The following CSMD1 variants were observed in gnomAD, a reference collection of about 807,000 sequenced individuals.
CSMD1 encodes the protein CUB and sushi domain-containing protein 1.
Under a neutral mutation model 417.5 loss-of-function variants are expected in CSMD1, and 213 were observed. The ratio of observed to expected loss-of-function variants is 0.51; its 90% CI spans 0.46 to 0.57. The LOEUF (loss-of-function observed/expected upper bound fraction) is 0.57. Ranked by LOEUF, CSMD1 falls within the 20% of genes least tolerant of loss-of-function variation. The pLI is 0.00. For missense variants in CSMD1, 6,923 were observed against 4,529.7 expected (o/e 1.53, Z -15.17); for synonymous variants, 2,862 against 1,736.8 (o/e 1.65, Z -16.11).
chr8:3,120,708 G>GGA (rs1554431383), intron 41 of CSMD1, among the ~76,000 whole-genome samples: 5 of 151,540 alleles, frequency 3.3e-5, no homozygotes, highest in African/African-American at 9.7e-5. Context: ...TTAGCCAGGG[G>GGA]GGGTGACCGG....
chr8:3,329,785 G>A (rs1021614428), intron 23 of CSMD1, among the ~76,000 whole-genome samples: 1 of 152,148 alleles, frequency 6.6e-6, no homozygotes, highest in Non-Finnish European at 1.5e-5. Context: ...CATTGTGAGT[G>A]AGCCTTTTCT....
intron 2 of CSMD1, among the ~76,000 whole-genome samples, chr8:4,592,431 G>A (rs776608282): frequency 2.0e-5 from 3 of 151,826 alleles, no homozygotes; most frequent in Non-Finnish European, 2.9e-5. Flanking sequence ...CCATCTCCCA[G>A]GCTGGAGTGC....
chr8:4,110,498 T>G (rs1382587555), intron 3 of CSMD1, among the ~76,000 whole-genome samples: 2 of 152,198 alleles, frequency 1.3e-5, no homozygotes, highest in Non-Finnish European at 2.9e-5. Context: ...TTTTCATATA[T>G]TATTTTCCCC....
chr8:3,461,950 G>T (rs1359645268), intron 12 of CSMD1, among the ~76,000 whole-genome samples: 1 of 152,184 alleles, frequency 6.6e-6, no homozygotes, highest in South Asian at 2.1e-4. Flanking sequence ...TCCTCACATG[G>T]GCCGGACAGG....
intron 25 of CSMD1, among the ~76,000 whole-genome samples, chr8:3,291,674 TA>T (rs1803578963): frequency 1.3e-5 from 2 of 152,038 alleles, no homozygotes; most frequent in South Asian, 4.1e-4. Flanking sequence ...GTGGTGATAT[TA>T]CCTTTATCAT....
At chr8:3,532,633 A>T (rs554328916) in intron 10 of CSMD1, among the ~76,000 whole-genome samples, 2 of 152,308 alleles carry the variant, frequency 1.3e-5, no homozygotes, top group East Asian at 3.9e-4. Flanking sequence ...CCAAAATTTT[A>T]CATTCTATTA....
At chr8:3,743,727 T>G (rs1796929523) in intron 6 of CSMD1, among the ~76,000 whole-genome samples, 1 of 152,174 alleles carries the variant, frequency 6.6e-6, no homozygotes, top group Middle Eastern at 3.2e-3. Flanking sequence ...TGCAAGATCG[T>G]TACTCCCAGG....
At chr8:4,235,159 G>C (rs909125907) in intron 3 of CSMD1, among the ~76,000 whole-genome samples, 1 of 152,166 alleles carries the variant, frequency 6.6e-6, no homozygotes, top group African/African-American at 2.4e-5. Flanking sequence ...CCCACAGTGT[G>C]TGTGATTCAT....
intron 5 of CSMD1, among the ~76,000 whole-genome samples, chr8:3,925,240 T>C (rs537718000): frequency 6.6e-6 from 1 of 152,356 alleles, no homozygotes; most frequent in African/African-American, 2.4e-5. Context: ...TACAGCGACC[T>C]ATAAGTAATG....
At chr8:4,813,661 G>A (rs1415873620) in intron 1 of CSMD1, among the ~76,000 whole-genome samples, 1 of 152,168 alleles carries the variant, frequency 6.6e-6, no homozygotes, top group Non-Finnish European at 1.5e-5. Context: ...TTTACACGTT[G>A]CAAGAGAGAA....
At chr8:4,297,409 A>G (rs1797746613) in intron 3 of CSMD1, among the ~76,000 whole-genome samples, 1 of 152,140 alleles carries the variant, frequency 6.6e-6, no homozygotes, top group East Asian at 1.9e-4. Flanking sequence ...ATTGACTAAG[A>G]AGTGAATGTT....
chr8:4,587,140 T>A (rs753487587), intron 2 of CSMD1, among the ~76,000 whole-genome samples: 2 of 152,206 alleles, frequency 1.3e-5, no homozygotes, highest in African/African-American at 2.4e-5. Flanking sequence ...TTCTTCCACA[T>A]TGATTTTTCT....
At chr8:4,791,305 A>G (rs1172271122) in intron 1 of CSMD1, among the ~76,000 whole-genome samples, 1 of 152,118 alleles carries the variant, frequency 6.6e-6, no homozygotes, top group Non-Finnish European at 1.5e-5. Flanking sequence ...TTTCCATACC[A>G]GGCTTTCTTA....
intron 5 of CSMD1, among the ~76,000 whole-genome samples, chr8:3,797,856 C>G (rs967387386): frequency 6.6e-6 from 1 of 151,944 alleles, no homozygotes; most frequent in African/African-American, 2.4e-5. Flanking sequence ...GGTGATTGTA[C>G]CATTTTATAT....
intron 6 of CSMD1, among the ~76,000 whole-genome samples, chr8:3,730,354 A>G (rs1802771839): frequency 6.8e-6 from 1 of 146,348 alleles, no homozygotes. Context: ...ATGCTCCCAA[A>G]AAAATTTAAG....
At chr8:3,703,162 TC>T (rs1348481566) in intron 7 of CSMD1, among the ~76,000 whole-genome samples, 2 of 152,198 alleles carry the variant, frequency 1.3e-5, no homozygotes, top group Non-Finnish European at 2.9e-5. Context: ...AAATTCTAAA[TC>T]TTCTCATTCT....
At chr8:3,996,672 T>C (rs1469873193) in intron 5 of CSMD1, among the ~76,000 whole-genome samples, 2 of 152,176 alleles carry the variant, frequency 1.3e-5, no homozygotes. Context: ...TGGTCCTGGC[T>C]AATCTAAAAG....
intron 7 of CSMD1, among the ~76,000 whole-genome samples, chr8:3,690,776 T>C (rs1800194140): frequency 6.6e-6 from 1 of 152,188 alleles, no homozygotes; most frequent in Non-Finnish European, 1.5e-5. Context: ...TAAGATAAAG[T>C]TTAATTTATA....
At chr8:3,930,130 G>A (rs1351692084) in intron 5 of CSMD1, among the ~76,000 whole-genome samples, 1 of 150,190 alleles carries the variant, frequency 6.7e-6, no homozygotes, top group African/African-American at 2.5e-5. Context: ...TACAAAAGCA[G>A]TACCCTACCA....
Sources: allele counts gnomAD v4.1 joint callset (sites outside exome capture counted in the v4.1 genomes callset), GRCh38; gene constraint gnomAD v4.1.1; transcripts MANE v1.5; gene names NCBI Gene and HGNC (gene_info 2026-07-23, HGNC 2026-07-21).